The following FBXL20 variants were observed in gnomAD, a reference collection of about 807,000 sequenced individuals.
FBXL20 encodes the protein F-box and leucine rich repeat protein 20, also known as F-box/LRR-repeat protein 20.
FBXL20 carries 11 observed loss-of-function variants against 64.0 expected under a neutral mutation model. The ratio of observed to expected loss-of-function variants is 0.17; its 90% CI spans 0.11 to 0.28. FBXL20 has a LOEUF of 0.28. Among genes scored for constraint, FBXL20 ranks in the 10% least tolerant of loss-of-function variants. The pLI, the probability that FBXL20 is intolerant of heterozygous loss-of-function variation, is 1.00. For synonymous variants in FBXL20, 184 were observed against 189.0 expected (o/e 0.97, Z 0.22); for missense variants, 303 against 526.2 (o/e 0.58, Z 4.15).
chr17:39,363,021 G>C (rs889661913), intron 1 of FBXL20, among the ~76,000 whole-genome samples: 7 of 151,512 alleles, frequency 4.6e-5, no homozygotes, highest in African/African-American at 1.2e-4. Context: ...ATTTATTTGA[G>C]ACAGTTTCAC....
intron 11 of FBXL20, among the ~76,000 whole-genome samples, chr17:39,269,156 A>G (rs1284649187): frequency 6.6e-6 from 1 of 151,772 alleles, no homozygotes; most frequent in Non-Finnish European, 1.5e-5. Context: ...GACTATAGGA[A>G]TGTGCCACCA....
chr17:39,297,660 C>A (rs932250779), intron 5 of FBXL20, among the ~76,000 whole-genome samples: 3 of 152,022 alleles, frequency 2.0e-5, no homozygotes, highest in African/African-American at 4.8e-5. Context: ...CTAGACTCTG[C>A]CTTATACACC....
In FBXL20 at chr17:39,287,362, G is replaced by A. The variant is rs566987174; in HGVS notation, c.399-1789C>T. ...AAACAAGAGTCACACATTCTCTTTGGCTGATATGTCTCCTAGGTCTTTGTG... is the reference window on the plus strand; with the variant it reads ...AAACAAGAGTCACACATTCTCTTTGACTGATATGTCTCCTAGGTCTTTGTG... On this transcript the variant is annotated intron_variant, in intron 6 of 14. Coordinates refer to ENST00000264658, the MANE Select transcript of FBXL20 (RefSeq NM_032875.3). Among the ~76,000 whole-genome samples, 3 of 151,998 alleles carry A rather than the reference G, an allele frequency of 2.0e-5. No individual in the cohort carries two copies. In the South Asian group the frequency reaches 6.2e-4, roughly 32 times the overall value.
At position 39,341,016 on chromosome 17, in the gene FBXL20, A is replaced by G. The variant is rs1289144995; in HGVS notation, c.104+2164T>C. Among the ~76,000 whole-genome samples, 5 of 149,812 alleles carry G rather than the reference A, an allele frequency of 3.3e-5. No individual in the cohort carries two copies. The South Asian group carries it at 1.0e-3, about 31-fold the overall frequency. On this transcript the variant is annotated intron_variant, in intron 2 of 14. Coordinates refer to ENST00000264658, the MANE Select transcript of FBXL20 (RefSeq NM_032875.3). ...GTTTTGCTTTTTTTTTTTTTTTGTA[A>G]CATGGCAAGGTTTCATCATGGGGTT...
intron 2 of FBXL20, among the ~76,000 whole-genome samples, chr17:39,321,291 A>C (rs1238404280): frequency 1.3e-5 from 2 of 151,238 alleles, no homozygotes; most frequent in Non-Finnish European, 2.9e-5. Flanking sequence ...ATCTCTACTA[A>C]AAATACAAAA....
intron 2 of FBXL20, among the ~76,000 whole-genome samples, chr17:39,342,743 A>G (rs537756832): frequency 1.3e-5 from 2 of 151,772 alleles, no homozygotes; most frequent in East Asian, 1.9e-4. Context: ...TTAGCCAGAC[A>G]TGGTGACATG....
chr17:39,297,117 A>T lies in FBXL20; in HGVS notation c.398+10T>A. 1 of 1,597,112 alleles carries T rather than the reference A, an allele frequency of 6.3e-7. No homozygotes were observed. Among genetic ancestry groups the T allele is most frequent in the South Asian group, 1.1e-5 (1 of 88,938 alleles). On this transcript the variant is annotated intron_variant, in intron 6 of 14. Transcript: ENST00000264658. ...TTATGACTTATCCTCCAAAAACATA[A>T]AATACTTACGCGTCTGTTGTCTTTG...
intron 3 of FBXL20, among the ~76,000 whole-genome samples, chr17:39,302,566 G>T (rs1258962500): frequency 6.6e-6 from 1 of 152,082 alleles, no homozygotes; most frequent in African/African-American, 2.4e-5. Context: ...GTAGAGATGG[G>T]GTTTCACTGT....
chr17:39,370,562 G>A (rs1348803959), intron 1 of FBXL20, among the ~76,000 whole-genome samples: 9 of 151,264 alleles, frequency 5.9e-5, no homozygotes, highest in Admixed American at 5.3e-4. Context: ...CGAGGCGGGC[G>A]GATCACAAGG....
chr17:39,337,499 A>C (rs2047535395), intron 2 of FBXL20, among the ~76,000 whole-genome samples: 1 of 150,452 alleles, frequency 6.6e-6, no homozygotes, highest in South Asian at 2.1e-4. Flanking sequence ...CTGGAAAGTG[A>C]GGAGCGTCTC....
At chr17:39,363,156 A>G (rs2047816137) in intron 1 of FBXL20, among the ~76,000 whole-genome samples, 1 of 151,824 alleles carries the variant, frequency 6.6e-6, no homozygotes, top group Admixed American at 6.6e-5. Context: ...GATTACAGGC[A>G]TGTGCCACCA....
rs569942217 is a variant in FBXL20, at chr17:39,283,442, CTTTT to C, written c.495-591_495-588del. The stretch of plus-strand genomic sequence containing the variant: ...AAGCATTTCAGATTTTCTTTTCTTT[CTTTT>C]TTTTTTTGAGACAGGGTCTCGTTCT... On this transcript the variant is annotated intron_variant, in intron 7 of 14. Coordinates refer to ENST00000264658, the MANE Select transcript of FBXL20 (RefSeq NM_032875.3). 2.0e-5 allele frequency among the ~76,000 whole-genome samples: 3 copies of C among 146,704 alleles called. No individual in the cohort carries two copies. The East Asian group carries it at 5.9e-4, about 29-fold the overall frequency.
At chr17:39,379,378 CAT>C (rs2048000842) in intron 1 of FBXL20, among the ~76,000 whole-genome samples, 1 of 151,048 alleles carries the variant, frequency 6.6e-6, no homozygotes, top group Admixed American at 6.6e-5. Context: ...AAAAGTCAAA[CAT>C]AGAAATTCTA....
In FBXL20 at chr17:39,298,922, C is replaced by G. The variant is rs558655088; in HGVS notation, c.329+68G>C. On this transcript the variant is annotated intron_variant, in intron 5 of 14. Coordinates refer to ENST00000264658, the MANE Select transcript of FBXL20 (RefSeq NM_032875.3). ...ACTTAGGAATTTTAACGATTTTAGC[C>G]TTTTCTGGGTGAGATGGTGCTGCTC... The G allele has an allele frequency of 1.5e-5, 19 of 1,303,010 alleles. No individual in the cohort carries two copies. The Admixed American group carries it at 3.0e-4, about 20-fold the overall frequency. 80.7% of individuals were successfully genotyped at this position (1,303,010 alleles called of 1,614,324 possible).
intron 1 of FBXL20, among the ~76,000 whole-genome samples, chr17:39,353,999 C>A (rs2047712790): frequency 6.6e-6 from 1 of 152,072 alleles, no homozygotes; most frequent in African/African-American, 2.4e-5. Flanking sequence ...TGTGAATGTA[C>A]TTAACACTAC....
chr17:39,401,379 C>A lies in FBXL20; in HGVS notation c.24G>T (p.Val8=). Residue 8 remains valine, a synonymous_variant, in exon 1 of 15, where the codon GTG becomes GTT. Transcript: ENST00000264658. ...CTCACACCTCAAACCTGCTCTTGGTCACTCCGTTCACGTCCCTCCTCATGG... is the reference window on the plus strand; with the variant it reads ...CTCACACCTCAAACCTGCTCTTGGTAACTCCGTTCACGTCCCTCCTCATGG... MRRDVNG[V]TKSRFEMFSN... The A allele has an allele frequency of 6.2e-7, 1 of 1,612,252 alleles. No homozygotes were observed. Among genetic ancestry groups the A allele is most frequent in the South Asian group, 1.1e-5 (1 of 90,894 alleles).
intron 6 of FBXL20, among the ~76,000 whole-genome samples, chr17:39,286,302 T>C (rs947014943): frequency 2.0e-5 from 3 of 152,072 alleles, no homozygotes; most frequent in Non-Finnish European, 4.4e-5. Flanking sequence ...GCAACCTCCA[T>C]TTCCGGGTTC....
In FBXL20 at chr17:39,260,060, T is replaced by C. The variant is rs1470378264; in HGVS notation, c.*1400A>G. On this transcript the variant is annotated 3_prime_UTR_variant, in exon 15 of 15. Coordinates refer to ENST00000264658, the MANE Select transcript of FBXL20 (RefSeq NM_032875.3). ...CAGGTTATGGGAAGGTTCTGGCCCT[T>C]TGGGGTGCCAACACTAGATATGAAT... is the stretch of plus-strand genomic sequence containing the variant. 2.0e-5 allele frequency: 3 copies of C among 151,590 alleles called. No individual in the cohort carries two copies. Among genetic ancestry groups the C allele is most frequent in the Admixed American group, 2.0e-4 (3 of 15,176 alleles). The allele number at this position is 151,590 out of a possible 1,614,324, so 9.4% of individuals were successfully genotyped here.
intron 1 of FBXL20, among the ~76,000 whole-genome samples, chr17:39,360,003 CATAAA>C (rs1453228941): frequency 6.6e-6 from 1 of 151,950 alleles, no homozygotes; most frequent in Non-Finnish European, 1.5e-5. Flanking sequence ...AATGTATAAA[CATAAA>C]ATATTAAAAT....
Sources: allele counts gnomAD v4.1 joint callset (sites outside exome capture counted in the v4.1 genomes callset), GRCh38; gene constraint gnomAD v4.1.1; transcripts MANE v1.5; gene names NCBI Gene and HGNC (gene_info 2026-07-23, HGNC 2026-07-21).